ABI1: variants seen among roughly 807,000 people sequenced by gnomAD.
ABI1 encodes Abelson interactor 1.
A neutral mutation model predicts 54.6 loss-of-function variants in ABI1; 14 were observed. The observed-to-expected ratio is 0.26, with a 90% CI of 0.17 to 0.40. ABI1 has a LOEUF of 0.40. Among genes scored for constraint, ABI1 ranks in the 10% least tolerant of loss-of-function variants. The pLI, the probability that ABI1 is intolerant of heterozygous loss-of-function variation, is 1.00. For missense variants in ABI1, 443 were observed against 598.3 expected (o/e 0.74, Z 2.71); for synonymous variants, 194 against 209.3 (o/e 0.93, Z 0.63).
chr10:26,803,473 G>A (rs1172766415), intron 2 of ABI1, among the ~76,000 whole-genome samples: 1 of 152,154 alleles, frequency 6.6e-6, no homozygotes, highest in Non-Finnish European at 1.5e-5. Context: ...GAATTGCAAG[G>A]CAGAGTGGAA....
At chr10:26,785,726 GA>G (rs778056094) in intron 2 of ABI1, among the ~76,000 whole-genome samples, 298 of 138,890 alleles carry the variant, frequency 2.1e-3, no homozygotes, top group Middle Eastern at 0.011. Flanking sequence ...CTCTGTCTGG[GA>G]AAAAAAAAAA....
chr10:26,836,673 T>A (rs888097182), intron 1 of ABI1, among the ~76,000 whole-genome samples: 6 of 152,200 alleles, frequency 3.9e-5, no homozygotes, highest in Admixed American at 3.3e-4. Context: ...AGGCTAATAG[T>A]ACCTCCCTAC....
intron 7 of ABI1, among the ~76,000 whole-genome samples, chr10:26,759,980 T>C (rs1317766386): frequency 6.6e-6 from 1 of 151,994 alleles, no homozygotes; most frequent in Non-Finnish European, 1.5e-5. Context: ...TTTTTGACTC[T>C]ATAAAATATG....
In ABI1 at chr10:26,748,530, G is replaced by A; in HGVS notation, c.*40C>T. On this transcript the variant is annotated 3_prime_UTR_variant, in exon 11 of 11. Coordinates refer to ENST00000376140, the MANE Select transcript of ABI1 (RefSeq NM_001012750.3). ...GTTAACCATAATAGTCCCACAGTAT[G>A]ACTGAGTAATAAGAATCTACTTCAA... 1 of 1,466,416 alleles carries A rather than the reference G, an allele frequency of 6.8e-7. No individual in the cohort carries two copies. The highest frequency in any genetic ancestry group is 9.3e-7 in the Non-Finnish European group (1 of 1,070,634). The allele number at this position is 1,466,416 out of a possible 1,614,324, so 90.8% of individuals were successfully genotyped here. A position where few individuals can be genotyped will look rare whatever the true frequency, so the allele number is the denominator to read the frequency against.
At chr10:26,767,874 T>C (rs968846239) in intron 6 of ABI1, among the ~76,000 whole-genome samples, 4 of 151,420 alleles carry the variant, frequency 2.6e-5, no homozygotes, top group Non-Finnish European at 5.9e-5. Flanking sequence ...TGGTGAAACC[T>C]CATCTCTACT....
At position 26,800,006 on chromosome 10, in the gene ABI1, A is replaced by T. The variant is rs1354103849; in HGVS notation, c.286-22765T>A. 1.1e-4 allele frequency among the ~76,000 whole-genome samples: 3 copies of T among 27,406 alleles called. No individual in the cohort carries two copies. In the African/African-American group the frequency reaches 2.8e-3, roughly 25 times the overall value. 18.0% of individuals were successfully genotyped at this position (27,406 alleles called of 152,430 possible). A position where few individuals can be genotyped will look rare whatever the true frequency, so the allele number is the denominator to read the frequency against. The stretch of plus-strand genomic sequence containing the variant: ...TTACAATATAAACCACAAAAACGTA[A>T]AAAAAAAAAAAAAAAAAAATTAAGA... On this transcript the variant is annotated intron_variant, in intron 2 of 10. Coordinates refer to ENST00000376140, the MANE Select transcript of ABI1 (RefSeq NM_001012750.3).
chr10:26,860,676 C>A lies in ABI1; in HGVS notation c.117+71G>T. On this transcript the variant is annotated intron_variant, in intron 1 of 10. Transcript: ENST00000376140. The surrounding 1 kb of genome is among the most constrained non-coding windows in gnomAD (Gnocchi z 4.1). Reference sequence around the variant, plus strand: ...CTGAGGTCAGGGCAGTTCCCCACCCCGCCCAGTGGGCTGGTCACTCCGGCG... The same window carrying A: ...CTGAGGTCAGGGCAGTTCCCCACCCAGCCCAGTGGGCTGGTCACTCCGGCG... 1 of 1,262,588 alleles carries A rather than the reference C, an allele frequency of 7.9e-7. No homozygotes were observed. The highest frequency in any genetic ancestry group is 1.2e-6 in the Non-Finnish European group (1 of 866,612). The allele number at this position is 1,262,588 out of a possible 1,614,324, so 78.2% of individuals were successfully genotyped here. A position where few individuals can be genotyped will look rare whatever the true frequency, so the allele number is the denominator to read the frequency against.
In ABI1 at chr10:26,837,212, A is replaced by C. The variant is rs1326545738; in HGVS notation, c.118-13907T>G. ...GTATTTTCTCACAGTTCTGAAGGCC[A>C]GGAAGTCCACAATCAAGGTTCCAGT... On this transcript the variant is annotated intron_variant, in intron 1 of 10. Coordinates refer to ENST00000376140, the MANE Select transcript of ABI1 (RefSeq NM_001012750.3). 3.7e-4 allele frequency among the ~76,000 whole-genome samples: 57 copies of C among 152,252 alleles called. 1 individual carries two copies. Among genetic ancestry groups the C allele is most frequent in the Admixed American group, 3.7e-3 (57 of 15,284 alleles).
At chr10:26,761,578 T>A (rs1839164594) in intron 7 of ABI1, among the ~76,000 whole-genome samples, 1 of 142,102 alleles carries the variant, frequency 7.0e-6, no homozygotes, top group African/African-American at 2.6e-5. Flanking sequence ...CCACAAGGTG[T>A]ATGTTAAACA....
chr10:26,788,950 T>A (rs1394230821), intron 2 of ABI1: 1 of 149,884 alleles, frequency 6.7e-6, no homozygotes, highest in East Asian at 1.9e-4. Flanking sequence ...ACCAGCAGTT[T>A]GAAAACTCAA....
At chr10:26,830,651 CA>C (rs2048612157) in intron 1 of ABI1, among the ~76,000 whole-genome samples, 1 of 150,884 alleles carries the variant, frequency 6.6e-6, no homozygotes, top group African/African-American at 2.4e-5. Context: ...ACAAAACTAC[CA>C]AACTATTTTA....
chr10:26,800,356 G>A (rs576975483), intron 2 of ABI1, among the ~76,000 whole-genome samples: 2 of 152,188 alleles, frequency 1.3e-5, no homozygotes, highest in Non-Finnish European at 2.9e-5. Context: ...CTGCACTCCA[G>A]CCTGGGGGAA....
intron 3 of ABI1, among the ~76,000 whole-genome samples, chr10:26,775,748 T>TCA (rs1007602745): frequency 1.3e-5 from 2 of 152,110 alleles, no homozygotes; most frequent in African/African-American, 4.8e-5. Context: ...TGGAGGATAT[T>TCA]CACTACTAAG....
At chr10:26,796,684 T>G (rs571469961) in intron 2 of ABI1, among the ~76,000 whole-genome samples, 2 of 152,370 alleles carry the variant, frequency 1.3e-5, no homozygotes, top group South Asian at 4.1e-4. Flanking sequence ...AAAGTAACTA[T>G]GTGAAATGAC....
intron 9 of ABI1, among the ~76,000 whole-genome samples, chr10:26,752,756 T>G (rs1837797578): frequency 6.6e-6 from 1 of 152,176 alleles, no homozygotes; most frequent in African/African-American, 2.4e-5. Flanking sequence ...AGGCTAGAGC[T>G]CTGTTCAATG....
chr10:26,825,670 A>G (rs2048266124), intron 1 of ABI1, among the ~76,000 whole-genome samples: 1 of 152,208 alleles, frequency 6.6e-6, no homozygotes, highest in African/African-American at 2.4e-5. Context: ...TCAAAAATAA[A>G]TAAGTAAATA....
chr10:26,754,809 G>T (rs537838928), intron 9 of ABI1, among the ~76,000 whole-genome samples: 25 of 152,166 alleles, frequency 1.6e-4, no homozygotes, highest in African/African-American at 5.5e-4. Flanking sequence ...AGTAATAGTG[G>T]TATTTTTCAC....
chr10:26,783,799 C>A (rs1276930043), intron 2 of ABI1, among the ~76,000 whole-genome samples: 2 of 152,170 alleles, frequency 1.3e-5, no homozygotes, highest in Non-Finnish European at 2.9e-5. Context: ...ATAATAATGA[C>A]CACTTAGTTA....
intron 1 of ABI1, among the ~76,000 whole-genome samples, chr10:26,846,306 A>AT (rs2049972307): frequency 6.6e-6 from 1 of 151,022 alleles, no homozygotes. Context: ...AGTAAAAATT[A>AT]TATCATCCCA....
Sources: allele counts gnomAD v4.1 joint callset (sites outside exome capture counted in the v4.1 genomes callset), GRCh38; gene constraint gnomAD v4.1.1; non-coding constraint Gnocchi (gnomAD v3.1); transcripts MANE v1.5; gene names NCBI Gene and HGNC (gene_info 2026-07-23, HGNC 2026-07-21).